The following EHBP1 variants were observed in gnomAD, a reference collection of about 807,000 sequenced individuals.
EHBP1 encodes the protein EH domain binding protein 1, also known as EH domain-binding protein 1.
Under a neutral mutation model 144.0 loss-of-function variants are expected in EHBP1, and 55 were observed. The ratio of observed to expected loss-of-function variants is 0.38; its 90% CI spans 0.31 to 0.48. EHBP1 has a LOEUF of 0.48. Ranked by LOEUF, EHBP1 falls within the 20% of genes least tolerant of loss-of-function variation. The pLI is 0.98. For missense variants in EHBP1, 1,200 were observed against 1,364.2 expected (o/e 0.88, Z 1.90); for synonymous variants, 469 against 472.7 (o/e 0.99, Z 0.10).
chr2:62,900,324 G>A (rs576622693), intron 10 of EHBP1, among the ~76,000 whole-genome samples: 58 of 152,224 alleles, frequency 3.8e-4, no homozygotes, highest in Non-Finnish European at 6.9e-4. Context: ...ACTTAAAATG[G>A]GGAAATGACC....
At chr2:62,868,552 A>G (rs2050217317) in intron 9 of EHBP1, among the ~76,000 whole-genome samples, 1 of 152,250 alleles carries the variant, frequency 6.6e-6, no homozygotes, top group Non-Finnish European at 1.5e-5. Context: ...AACTCTTACA[A>G]AAATGAAAAA....
At position 62,948,318 on chromosome 2, in the gene EHBP1, T is replaced by C; in HGVS notation, c.1472T>C (p.Val491Ala). 6.2e-7 allele frequency: 1 copy of C among 1,608,636 alleles called. No individual in the cohort carries two copies. The highest frequency in any genetic ancestry group is 8.5e-7 in the Non-Finnish European group (1 of 1,177,778). Residue 491 changes from valine to alanine, a missense_variant, in exon 13 of 23, where the codon GTA (valine) becomes GCA (alanine). Physicochemically the swap from Val to Ala is moderately conservative, Grantham distance 64. This residue lies in a region of EHBP1 where 94 missense variants were observed against 143.0 expected (regional missense o/e 0.66). Coordinates refer to ENST00000431489, the MANE Select transcript of EHBP1 (RefSeq NM_001142616.3). ...ISRLLEPSDMVLLAIPDKLTV... is the reference protein window; with the variant it reads ...ISRLLEPSDMALLAIPDKLTV... Reference sequence around the variant, plus strand: ...CGATTATTGGAACCTTCTGATATGGTATTATTAGCAATTCCTGATAAACTG... The same window carrying C: ...CGATTATTGGAACCTTCTGATATGGCATTATTAGCAATTCCTGATAAACTG...
At chr2:62,918,326 A>G (rs1192059251) in intron 10 of EHBP1, among the ~76,000 whole-genome samples, 1 of 152,182 alleles carries the variant, frequency 6.6e-6, no homozygotes, top group Non-Finnish European at 1.5e-5. Context: ...TGCTGGTCCA[A>G]ATGAGGCACT....
intron 7 of EHBP1, among the ~76,000 whole-genome samples, chr2:62,848,336 GC>G (rs1470083551): frequency 2.0e-5 from 3 of 152,130 alleles, no homozygotes; most frequent in African/African-American, 7.2e-5. Context: ...TCCCACCTTG[GC>G]CTCCCAAAGT....
intron 3 of EHBP1, among the ~76,000 whole-genome samples, chr2:62,754,220 C>T (rs2040042621): frequency 6.6e-6 from 1 of 152,144 alleles, no homozygotes; most frequent in Non-Finnish European, 1.5e-5. Context: ...CAGTCAGGAC[C>T]CTCAGCTGTA....
At chr2:62,747,518 A>C in intron 3 of EHBP1, 66 bp downstream of exon 3, 1 of 1,198,394 alleles carries the variant, frequency 8.3e-7, no homozygotes, top group Non-Finnish European at 1.2e-6. Context: ...CTCTGGTTCC[A>C]GTGTAGAATA....
At chr2:62,812,552 A>C (rs1019475839) in intron 5 of EHBP1, among the ~76,000 whole-genome samples, 3 of 152,174 alleles carry the variant, frequency 2.0e-5, no homozygotes, top group African/African-American at 7.2e-5. Flanking sequence ...GCCAGTAGAA[A>C]TGTGGACAGT....
At chr2:62,883,597 C>T (rs1481160432) in intron 10 of EHBP1, among the ~76,000 whole-genome samples, 1 of 152,132 alleles carries the variant, frequency 6.6e-6, no homozygotes, top group African/African-American at 2.4e-5. Flanking sequence ...TCTATAGTCC[C>T]AGCTACTCAT....
chr2:62,697,218 A>C (rs895941074), intron 1 of EHBP1, among the ~76,000 whole-genome samples: 3 of 152,276 alleles, frequency 2.0e-5, no homozygotes, highest in African/African-American at 2.4e-5. Flanking sequence ...TATAGACATA[A>C]CTTAAAAAAA....
At chr2:62,689,833 C>T (rs547106361) in intron 1 of EHBP1, among the ~76,000 whole-genome samples, 1 of 152,064 alleles carries the variant, frequency 6.6e-6, no homozygotes, top group Non-Finnish European at 1.5e-5. Flanking sequence ...CGTTTTAGTC[C>T]TTAATGGATG....
intron 4 of EHBP1, among the ~76,000 whole-genome samples, chr2:62,766,518 A>C (rs941508272): frequency 6.6e-6 from 1 of 152,166 alleles, no homozygotes; most frequent in African/African-American, 2.4e-5. Context: ...AGCCAAAAGC[A>C]TACTTTATCG....
intron 19 of EHBP1, among the ~76,000 whole-genome samples, chr2:63,008,988 A>G (rs544938596): frequency 1.3e-5 from 2 of 151,794 alleles, no homozygotes; most frequent in East Asian, 3.9e-4. Flanking sequence ...TAATTGGCCT[A>G]TTGAAATGTT....
intron 19 of EHBP1, among the ~76,000 whole-genome samples, chr2:63,015,481 A>T (rs910363842): frequency 6.6e-6 from 1 of 152,008 alleles, no homozygotes; most frequent in Non-Finnish European, 1.5e-5. Context: ...CATTTTGTAA[A>T]GTTCCTGGGT....
At chr2:62,881,977 T>C (rs1020527150) in intron 10 of EHBP1, among the ~76,000 whole-genome samples, 20 of 152,188 alleles carry the variant, frequency 1.3e-4, no homozygotes, top group Admixed American at 9.2e-4. Context: ...AGAGAAAGGA[T>C]TGGAACCTAG....
chr2:62,828,055 A>G (rs1419662256), intron 6 of EHBP1, among the ~76,000 whole-genome samples: 4 of 152,210 alleles, frequency 2.6e-5, no homozygotes, highest in African/African-American at 9.7e-5. Context: ...TAAGGTAATA[A>G]CTTTTTTGCT....
At chr2:62,953,217 C>CAAAAAA (rs35848429) in intron 13 of EHBP1, among the ~76,000 whole-genome samples, 2 of 64,472 alleles carry the variant, frequency 3.1e-5, no homozygotes, top group Admixed American at 2.2e-4. Context: ...AAGTCCGTCT[C>CAAAAAA]AAAAAAAAAA....
At position 62,838,326 on chromosome 2, in the gene EHBP1, G is replaced by C. The variant is rs996981678; in HGVS notation, c.634+7168G>C. On this transcript the variant is annotated intron_variant, in intron 7 of 22. Transcript: ENST00000431489. ...AGACACAACATACCACAATCTCTGG[G>C]ACACATTCAAAGCAGTGTGTAGAGG... Among the ~76,000 whole-genome samples the C allele has an allele frequency of 4.6e-5, 7 of 152,130 alleles. No homozygotes were observed. The South Asian group carries it at 1.5e-3, about 32-fold the overall frequency.
chr2:62,986,102 C>T (rs1276327830), intron 15 of EHBP1, among the ~76,000 whole-genome samples: 2 of 152,072 alleles, frequency 1.3e-5, no homozygotes, highest in African/African-American at 2.4e-5. Flanking sequence ...ACATTAGATC[C>T]CTAAAAACTA....
In EHBP1 at chr2:62,864,788, G is replaced by A. The variant is rs1209805754; in HGVS notation, c.815G>A (p.Ser272Asn). Reference sequence around the variant, plus strand: ...ACAGAAGACTCTTTTTATAATAACAGCTATAATCCCTTTAAAGAGGTGCAG... The same window carrying A: ...ACAGAAGACTCTTTTTATAATAACAACTATAATCCCTTTAAAGAGGTGCAG... ...RKTEDSFYNN[S>N]YNPFKEVQTP... Residue 272 changes from serine to asparagine, a missense_variant, in exon 9 of 23, where the codon AGC becomes AAC. Coordinates refer to ENST00000431489, the MANE Select transcript of EHBP1 (RefSeq NM_001142616.3). 1 of 1,613,874 alleles carries A rather than the reference G, an allele frequency of 6.2e-7. No homozygotes were observed. Among genetic ancestry groups the A allele is most frequent in the South Asian group, 1.1e-5 (1 of 91,056 alleles).
Sources: gnomAD v4.1 joint callset for allele counts (sites outside exome capture counted in the v4.1 genomes callset) on GRCh38, gnomAD v4.1.1 for gene constraint, gnomAD v4.1.1 regional missense constraint, MANE v1.5 for transcripts, NCBI Gene and HGNC (gene_info 2026-07-23, HGNC 2026-07-21) for gene names.